The following NECTIN2 variants were observed in gnomAD, a reference collection of about 807,000 sequenced individuals.
The protein encoded by NECTIN2 is nectin-2.
NECTIN2 carries 23 observed loss-of-function variants against 56.9 expected under a neutral mutation model. The ratio of observed to expected loss-of-function variants is 0.40; its 90% CI spans 0.29 to 0.57. The LOEUF is 0.57. NECTIN2 is among the 20% of genes least tolerant of loss of function. NECTIN2 has a pLI of 0.38. For missense variants in NECTIN2, 587 were observed against 718.3 expected, an observed-to-expected ratio of 0.82 and a Z score of 2.09; for synonymous variants, 302 against 313.8, an observed-to-expected ratio of 0.96 and a Z score of 0.40.
In NECTIN2 at chr19:44,885,962, C is replaced by A. The variant is rs200070038; in HGVS notation, c.1222C>A (p.Pro408Thr). The change falls in exon 7 of 9, where the codon CCA becomes ACA. Residue 408 changes from proline to threonine, a missense_variant. By Grantham distance (38) the Pro-to-Thr change is conservative. Transcript: ENST00000252483. ...EDLEGPPSYK[P>T]PTPKAKLEAQ... ...CCTGGAGGGACCTCCCTCCTACAAG[C>A]CACCGACCCCAAAAGCGAAGCTGGA... The A allele has an allele frequency of 1.2e-6, 2 of 1,600,894 alleles. No individual in the cohort carries two copies. Among genetic ancestry groups the A allele is most frequent in the Non-Finnish European group, 1.7e-6 (2 of 1,168,060 alleles).
chr19:44,882,584 AC>A (rs912356694), intron 6 of NECTIN2, among the ~76,000 whole-genome samples: 1 of 150,796 alleles, frequency 6.6e-6, no homozygotes, highest in African/African-American at 2.4e-5. Flanking sequence ...ACAGTGGCTT[AC>A]ACCTGCCATC....
At chr19:44,885,442 G>T (rs1969350797) in intron 6 of NECTIN2, among the ~76,000 whole-genome samples, 1 of 151,562 alleles carries the variant, frequency 6.6e-6, no homozygotes, top group Non-Finnish European at 1.5e-5. Flanking sequence ...CTCCTGAGTA[G>T]CTGGGATTAC....
chr19:44,876,925 C>T (rs1969245617), intron 5 of NECTIN2, among the ~76,000 whole-genome samples: 1 of 151,984 alleles, frequency 6.6e-6, no homozygotes, highest in East Asian at 1.9e-4. Flanking sequence ...GACTCAGCTT[C>T]GAGTTCCAAA....
In NECTIN2 at chr19:44,865,700, C is replaced by T. The variant is rs767135608; in HGVS notation, c.478+40C>T. 2.7e-6 allele frequency: 4 copies of T among 1,474,130 alleles called. No individual in the cohort carries two copies. The South Asian group carries it at 5.4e-5, about 20-fold the overall frequency. The allele number at this position is 1,474,130 out of a possible 1,614,324, so 91.3% of individuals were successfully genotyped here. A position where few individuals can be genotyped will look rare whatever the true frequency, so the allele number is the denominator to read the frequency against. ...GGCGGGAGGCAAGGAGGTGGGAGGG[C>T]CGCGGTGTGGGAGCATCCCCTTGCG... On this transcript the variant is annotated intron_variant, in intron 2 of 8. Coordinates refer to ENST00000252483, the MANE Select transcript of NECTIN2 (RefSeq NM_001042724.2). This position sits in a 1 kb window ranked among gnomAD's most constrained non-coding sequence, Gnocchi z 5.2.
At chr19:44,867,022 T>A (rs994286973) in intron 2 of NECTIN2, among the ~76,000 whole-genome samples, 154 of 142,624 alleles carry the variant, frequency 1.1e-3, no homozygotes, top group East Asian at 1.8e-3. Context: ...ACAAAAAAAA[T>A]TTTTTTTTTT....
chr19:44,853,495 C>CTTTTTTTT (rs199956232), intron 1 of NECTIN2, among the ~76,000 whole-genome samples: 1 of 135,314 alleles, frequency 7.4e-6, no homozygotes, highest in Non-Finnish European at 1.6e-5. Context: ...ACAGCTGGCC[C>CTTTTTTTT]TTTTTTTTTT....
chr19:44,853,003 T>C (rs1968919076), intron 1 of NECTIN2, among the ~76,000 whole-genome samples: 1 of 151,644 alleles, frequency 6.6e-6, no homozygotes, highest in South Asian at 2.1e-4. Context: ...TCCCAACTAC[T>C]GAGAAGGCTG....
At chr19:44,876,587 A>G (rs943567222) in intron 5 of NECTIN2, among the ~76,000 whole-genome samples, 7 of 152,142 alleles carry the variant, frequency 4.6e-5, no homozygotes, top group African/African-American at 1.4e-4. Context: ...GACACACTCA[A>G]AGCTCCTGGG....
In NECTIN2 at chr19:44,883,229, G is replaced by T. The variant is rs901761718; in HGVS notation, c.1196+865G>T. Among the ~76,000 whole-genome samples the T allele has an allele frequency of 4.0e-5, 6 of 151,870 alleles. No individual in the cohort carries two copies. The South Asian group carries it at 1.0e-3, about 26-fold the overall frequency. ...TAAAGAGTAACACTGGTCAGGCAGG[G>T]TGGGTCAGGCAGGGTGGCTCCTGCC... On this transcript the variant is annotated intron_variant, in intron 6 of 8. Transcript: ENST00000252483.
Position 44,885,975 on chromosome 19 carries a change from AAGCGAAGCTGGAGGCACAGGAG to A in NECTIN2, c.1237_1258del (p.Ala413CysfsTer75). 6.2e-7 allele frequency: 1 copy of A among 1,603,568 alleles called. No individual in the cohort carries two copies. Among genetic ancestry groups the A allele is most frequent in the Non-Finnish European group, 8.5e-7 (1 of 1,170,536 alleles). On this transcript the variant is annotated frameshift_variant, in exon 7 of 9. Transcript: ENST00000252483. LOFTEE classifies it high-confidence loss of function. ...CCCTCCTACAAGCCACCGACCCCAA[AAGCGAAGCTGGAGGCACAGGAG>A]ATGGTGAGCACTTTCCCTGGAGCCC... is the stretch of plus-strand genomic sequence containing the variant.
intron 5 of NECTIN2, chr19:44,878,272 C>A: frequency 9.0e-7 from 1 of 1,115,738 alleles, no homozygotes; most frequent in Non-Finnish European, 1.3e-6. Flanking sequence ...TGTGGGGGGC[C>A]GTGGGGGGGA....
chr19:44,872,060 G>C lies in NECTIN2; in HGVS notation c.686G>C (p.Gly229Ala), dbSNP rs1407564891. ...VTSRFTLVPS[G>A]RADGVTVTCK... ...AGCCGCTTCACCTTGGTGCCCTCGG[G>C]CCGAGCAGATGGTGTCACGGTCACC... Residue 229 changes from glycine (G) to alanine (A), a missense_variant, in exon 3 of 9, where the codon GGC (glycine) becomes GCC (alanine). Gly to Ala is a moderately conservative substitution (Grantham distance 60). Coordinates refer to ENST00000252483, the MANE Select transcript of NECTIN2 (RefSeq NM_001042724.2). The C allele has an allele frequency of 6.2e-7, 1 of 1,614,076 alleles. No individual in the cohort carries two copies. Among genetic ancestry groups the C allele is most frequent in the Non-Finnish European group, 8.5e-7 (1 of 1,180,050 alleles).
chr19:44,863,255 G>A (rs1475093638), intron 1 of NECTIN2, among the ~76,000 whole-genome samples: 1 of 152,024 alleles, frequency 6.6e-6, no homozygotes, highest in Non-Finnish European at 1.5e-5. Context: ...TGCTCACTTT[G>A]AGTTCAGGAG....
intron 1 of NECTIN2, among the ~76,000 whole-genome samples, chr19:44,860,706 G>A (rs183659813): frequency 1.8e-3 from 273 of 151,078 alleles, no homozygotes; most frequent in South Asian, 9.0e-3. Context: ...GCGCGATCTC[G>A]GCTCACTGCA....
At chr19:44,849,203 G>A (rs1003239823) in intron 1 of NECTIN2, among the ~76,000 whole-genome samples, 1 of 152,040 alleles carries the variant, frequency 6.6e-6, no homozygotes, top group Non-Finnish European at 1.5e-5. Context: ...TGAAATGCCG[G>A]CACAGGGTCG....
chr19:44,852,709 C>T (rs955550743), intron 1 of NECTIN2, among the ~76,000 whole-genome samples: 3 of 151,936 alleles, frequency 2.0e-5, no homozygotes, highest in Middle Eastern at 3.4e-3. Flanking sequence ...ACTGGGGAGG[C>T]GTCAGAGGTG....
In NECTIN2 at chr19:44,865,752, G is replaced by C; in HGVS notation, c.478+92G>C. The stretch of plus-strand genomic sequence containing the variant: ...GTCAGTTTCTCTCTTGGCTTCAGCT[G>C]TGAGGTTCACATTCTCTGTGGGTTT... On this transcript the variant is annotated intron_variant, in intron 2 of 8. Coordinates refer to ENST00000252483, the MANE Select transcript of NECTIN2 (RefSeq NM_001042724.2). The surrounding 1 kb of genome is among the most constrained non-coding windows in gnomAD (Gnocchi z 5.2). 7.5e-7 allele frequency: 1 copy of C among 1,339,624 alleles called. No individual in the cohort carries two copies. The highest frequency in any genetic ancestry group is 9.9e-7 in the Non-Finnish European group (1 of 1,011,364). The allele number at this position is 1,339,624 out of a possible 1,614,324, so 83.0% of individuals were successfully genotyped here.
chr19:44,852,791 A>G (rs1347964223), intron 1 of NECTIN2, among the ~76,000 whole-genome samples: 2 of 152,008 alleles, frequency 1.3e-5, no homozygotes, highest in Non-Finnish European at 1.5e-5. Context: ...GTGAGAGAGA[A>G]AGAGGTGAAA....
intron 1 of NECTIN2, among the ~76,000 whole-genome samples, chr19:44,859,742 T>C (rs1017196580): frequency 6.6e-6 from 1 of 151,802 alleles, no homozygotes; most frequent in Non-Finnish European, 1.5e-5. Flanking sequence ...GGAGAATCGC[T>C]TGAACCCAGG....
Sources: gnomAD v4.1 joint callset for allele counts (sites outside exome capture counted in the v4.1 genomes callset) on GRCh38, gnomAD v4.1.1 for gene constraint, Gnocchi (gnomAD v3.1) non-coding constraint, MANE v1.5 for transcripts, NCBI Gene and HGNC (gene_info 2026-07-23, HGNC 2026-07-21) for gene names.